Variants in SEMA3E observed in about 807,000 individuals in gnomAD.
SEMA3E encodes the protein semaphorin-3E.
In SEMA3E, 49 loss-of-function variants were observed where a neutral mutation model predicts 93.6. The observed-to-expected ratio is 0.52, with a 90% CI of 0.42 to 0.66. SEMA3E has a LOEUF of 0.66. Ranked by LOEUF, SEMA3E falls within the 30% of genes least tolerant of loss-of-function variation. The probability of loss-of-function intolerance (pLI) is 0.00; values close to 1 mark genes in which losing one functional copy is unlikely to be tolerated. For missense variants in SEMA3E, 906 were observed against 964.8 expected (o/e 0.94, Z 0.81); for synonymous variants, 363 against 330.7 (o/e 1.10, Z -1.06).
intron 1 of SEMA3E, among the ~76,000 whole-genome samples, chr7:83,556,573 A>G (rs1791899748): frequency 6.6e-6 from 1 of 152,202 alleles, no homozygotes; most frequent in Non-Finnish European, 1.5e-5. Flanking sequence ...TTAATATAGT[A>G]TAAACAGTGG....
chr7:83,546,483 A>G (rs1791654064), intron 1 of SEMA3E, among the ~76,000 whole-genome samples: 1 of 151,584 alleles, frequency 6.6e-6, no homozygotes, highest in Non-Finnish European at 1.5e-5. Context: ...AAGAACTGGC[A>G]AGGATGGAGA....
chr7:83,567,017 T>C (rs1792176396), intron 1 of SEMA3E, among the ~76,000 whole-genome samples: 1 of 152,166 alleles, frequency 6.6e-6, no homozygotes, highest in Non-Finnish European at 1.5e-5. Context: ...CTTCAAGCAA[T>C]TTACTTCATC....
chr7:83,501,477 G>A (rs1790595334), intron 1 of SEMA3E, among the ~76,000 whole-genome samples: 1 of 152,078 alleles, frequency 6.6e-6, no homozygotes, highest in Non-Finnish European at 1.5e-5. Flanking sequence ...TTTTGAGATG[G>A]AGTCTTTCTC....
rs976633966 is a variant in SEMA3E at position 83,364,699 on chromosome 7, C to G, written c.*2887G>C. 3 of 152,196 alleles carry G rather than the reference C, an allele frequency of 2.0e-5. No homozygotes were observed. The highest frequency in any genetic ancestry group is 7.2e-5 in the African/African-American group (3 of 41,456). 9.4% of individuals were successfully genotyped at this position (152,196 alleles called of 1,614,324 possible). A position where few individuals can be genotyped will look rare whatever the true frequency, so the allele number is the denominator to read the frequency against. ...GTCAAAACTAAGTCTATCCACAGGT[C>G]CTCTCCTGTAACAAAGATAGAAGAG... On this transcript the variant is annotated 3_prime_UTR_variant, in exon 17 of 17. Coordinates refer to ENST00000643230, the MANE Select transcript of SEMA3E (RefSeq NM_012431.3).
At position 83,455,600 on chromosome 7, in the gene SEMA3E, C is replaced by T. The variant is rs561991437; in HGVS notation, c.456+10882G>A. ...CACGATCCCCTTCCTCTGGTGTAGG[C>T]ACACCTGCGAATACGGTAAGAAATC... On this transcript the variant is annotated intron_variant, in intron 4 of 16. Transcript: ENST00000643230. Among the ~76,000 whole-genome samples the T allele has an allele frequency of 2.0e-5, 3 of 152,336 alleles. No homozygotes were observed. The South Asian group carries it at 6.2e-4, about 32-fold the overall frequency.
chr7:83,377,611 TA>T (rs1252535399), intron 16 of SEMA3E, among the ~76,000 whole-genome samples: 5 of 151,812 alleles, frequency 3.3e-5, no homozygotes, highest in Non-Finnish European at 5.9e-5. Context: ...AACCTACTTT[TA>T]AAAAAAATAT....
intron 1 of SEMA3E, among the ~76,000 whole-genome samples, chr7:83,495,846 A>G (rs572171744): frequency 2.6e-4 from 39 of 152,122 alleles, no homozygotes; most frequent in Middle Eastern, 3.4e-3. Flanking sequence ...TAAAATTTCT[A>G]TATTACACAA....
At chr7:83,507,706 G>A (rs983265437) in intron 1 of SEMA3E, among the ~76,000 whole-genome samples, 12 of 151,870 alleles carry the variant, frequency 7.9e-5, no homozygotes, top group African/African-American at 2.9e-4. Flanking sequence ...AGAAGGCCAA[G>A]GTGGGAGGAT....
At chr7:83,647,974 A>G (rs570699166) in intron 1 of SEMA3E, among the ~76,000 whole-genome samples, 4 of 152,182 alleles carry the variant, frequency 2.6e-5, no homozygotes, top group Admixed American at 1.3e-4. Flanking sequence ...CATTATGGAA[A>G]CAAAACAAAA....
intron 1 of SEMA3E, among the ~76,000 whole-genome samples, chr7:83,577,555 T>G (rs1039877321): frequency 2.0e-5 from 3 of 152,170 alleles, no homozygotes; most frequent in Non-Finnish European, 4.4e-5. Flanking sequence ...TAATATTATA[T>G]TTTGTCTGTA....
In SEMA3E at chr7:83,531,341, C is replaced by CTTTTT. The variant is rs144165250; in HGVS notation, c.116-41072_116-41068dup. Among the ~76,000 whole-genome samples, 510 of 68,134 alleles carry CTTTTT rather than the reference C, an allele frequency of 7.5e-3. 94 individuals carry two copies. The highest frequency in any genetic ancestry group is 0.022 in the South Asian group (32 of 1,448). The allele number at this position is 68,134 out of a possible 152,430, so 44.7% of individuals were successfully genotyped here. On this transcript the variant is annotated intron_variant, in intron 1 of 16. Transcript: ENST00000643230. Reference sequence around the variant, plus strand: ...ATGTGTGCTTCTTGATTGGAATATTCTTTTTTTTTTTTTTTTTTTTTCCGA... The same window carrying CTTTTT: ...ATGTGTGCTTCTTGATTGGAATATTCTTTTTTTTTTTTTTTTTTTTTTTTTTCCGA...
intron 4 of SEMA3E, among the ~76,000 whole-genome samples, chr7:83,434,415 A>G (rs1029017533): frequency 1.3e-5 from 2 of 152,206 alleles, no homozygotes; most frequent in Non-Finnish European, 2.9e-5. Context: ...ATTAATAAGC[A>G]GTATGCAATC....
intron 1 of SEMA3E, among the ~76,000 whole-genome samples, chr7:83,584,119 G>A (rs1214733476): frequency 6.6e-6 from 1 of 152,138 alleles, no homozygotes; most frequent in Non-Finnish European, 1.5e-5. Flanking sequence ...CTCCAGGTAA[G>A]AAGGGGATTA....
chr7:83,512,876 C>A (rs1363684490), intron 1 of SEMA3E, among the ~76,000 whole-genome samples: 3 of 152,076 alleles, frequency 2.0e-5, no homozygotes, highest in Non-Finnish European at 4.4e-5. Context: ...ACTCTGAATT[C>A]AAAGCTTTTC....
At chr7:83,644,689 T>C (rs1794058006) in intron 1 of SEMA3E, among the ~76,000 whole-genome samples, 1 of 151,890 alleles carries the variant, frequency 6.6e-6, no homozygotes, top group African/African-American at 2.4e-5. Context: ...GGCCTCTGAT[T>C]TCAAATCCTG....
At chr7:83,379,760 C>T (rs919648562) in intron 16 of SEMA3E, among the ~76,000 whole-genome samples, 1 of 151,876 alleles carries the variant, frequency 6.6e-6, no homozygotes, top group Non-Finnish European at 1.5e-5. Flanking sequence ...CTCAGTCTCT[C>T]TGTGCTTCAA....
intron 1 of SEMA3E, among the ~76,000 whole-genome samples, chr7:83,498,099 A>G (rs1790524386): frequency 6.6e-6 from 1 of 152,046 alleles, no homozygotes; most frequent in South Asian, 2.1e-4. Flanking sequence ...TTTTCTTAAC[A>G]TTTTCTTTTC....
intron 1 of SEMA3E, among the ~76,000 whole-genome samples, chr7:83,546,440 G>T (rs541764729): frequency 6.6e-6 from 1 of 150,386 alleles, no homozygotes; most frequent in Non-Finnish European, 1.5e-5. Context: ...GCTGCCAAAG[G>T]CACAGAGTCC....
chr7:83,430,005 A>G (rs780779811), intron 4 of SEMA3E, among the ~76,000 whole-genome samples: 1 of 152,186 alleles, frequency 6.6e-6, no homozygotes, highest in Admixed American at 6.5e-5. Context: ...TATTGTGATT[A>G]TGCACTCATG....
Sources: gnomAD v4.1 joint callset for allele counts (sites outside exome capture counted in the v4.1 genomes callset) on GRCh38, gnomAD v4.1.1 for gene constraint, MANE v1.5 for transcripts, NCBI Gene and HGNC (gene_info 2026-07-23, HGNC 2026-07-21) for gene names.